WWOX: variants seen among roughly 807,000 people sequenced by gnomAD.
WWOX encodes WW domain containing oxidoreductase, also known as WW domain-containing oxidoreductase.
Under a neutral mutation model 46.2 loss-of-function variants are expected in WWOX, and 69 were observed. That is an observed-to-expected ratio of 1.49 (90% CI 1.23 to 1.82). The LOEUF (loss-of-function observed/expected upper bound fraction) is 1.82. WWOX is among the 40% of genes most tolerant of loss of function. The probability of loss-of-function intolerance (pLI) is 0.00; values close to 1 mark genes in which losing one functional copy is unlikely to be tolerated. For missense variants in WWOX, 919 were observed against 542.6 expected, an observed-to-expected ratio of 1.69 and a Z score of -6.89; for synonymous variants, 359 against 202.6, an observed-to-expected ratio of 1.77 and a Z score of -6.56.
intron 8 of WWOX, among the ~76,000 whole-genome samples, chr16:78,642,622 T>G (rs1482562743): frequency 6.6e-6 from 1 of 152,128 alleles, no homozygotes; most frequent in Non-Finnish European, 1.5e-5. Flanking sequence ...CGTGGGCTAC[T>G]GCCAGCTGAG....
intron 8 of WWOX, among the ~76,000 whole-genome samples, chr16:78,944,678 G>A (rs918859441): frequency 6.6e-6 from 1 of 152,068 alleles, no homozygotes; most frequent in East Asian, 1.9e-4. Context: ...CGAGCATGTG[G>A]GGAATGCAAG....
chr16:78,877,501 C>G (rs1305710861), intron 8 of WWOX, among the ~76,000 whole-genome samples: 2 of 152,362 alleles, frequency 1.3e-5, no homozygotes, highest in East Asian at 3.9e-4. Context: ...CTGTTTCTCA[C>G]CACTCACTAT....
chr16:78,967,340 A>G (rs1023584792), intron 8 of WWOX, among the ~76,000 whole-genome samples: 1 of 118,948 alleles, frequency 8.4e-6, no homozygotes, highest in Admixed American at 1.2e-4. Context: ...CCCAGGCTGG[A>G]GTGCAGTGGC....
intron 6 of WWOX, among the ~76,000 whole-genome samples, chr16:78,395,891 A>G (rs1287986190): frequency 6.6e-6 from 1 of 152,040 alleles, no homozygotes; most frequent in East Asian, 1.9e-4. Context: ...CTTTGACATG[A>G]CTATGTCTGT....
intron 8 of WWOX, among the ~76,000 whole-genome samples, chr16:78,910,510 T>G (rs1020044766): frequency 1.0e-4 from 5 of 50,012 alleles, no homozygotes; most frequent in Non-Finnish European, 2.0e-4. Context: ...TCTTTTGTTT[T>G]TTTTTTTTTT....
chr16:78,422,786 C>CACACACACATATATAT (rs1370521556), intron 6 of WWOX, among the ~76,000 whole-genome samples: 5 of 102,486 alleles, frequency 4.9e-5, no homozygotes, highest in South Asian at 3.3e-4. Flanking sequence ...TATATATATA[C>CACACACACATATATAT]ACACACACAT....
At chr16:78,947,821 T>G (rs576181956) in intron 8 of WWOX, among the ~76,000 whole-genome samples, 17 of 152,244 alleles carry the variant, frequency 1.1e-4, no homozygotes, top group African/African-American at 3.6e-4. Flanking sequence ...AGCCAAAATA[T>G]GTATAGGAGA....
chr16:78,462,393 C>T (rs572727608), intron 8 of WWOX, among the ~76,000 whole-genome samples: 34 of 152,198 alleles, frequency 2.2e-4, no homozygotes, highest in Non-Finnish European at 4.0e-4. Flanking sequence ...TCTAGTGAGC[C>T]GGCCATAGAT....
intron 8 of WWOX, among the ~76,000 whole-genome samples, chr16:78,732,897 G>C (rs374815393): frequency 3.3e-5 from 5 of 152,168 alleles, no homozygotes; most frequent in African/African-American, 1.2e-4. Flanking sequence ...AATAAGCGCT[G>C]TGTTTCGCAA....
At chr16:78,754,123 A>G (rs2049573105) in intron 8 of WWOX, among the ~76,000 whole-genome samples, 2 of 152,048 alleles carry the variant, frequency 1.3e-5, no homozygotes, top group Admixed American at 1.3e-4. Context: ...GGATTCCGCC[A>G]GGCATTTCTC....
intron 8 of WWOX, among the ~76,000 whole-genome samples, chr16:78,486,579 T>TGTTTC (rs1190872941): frequency 6.6e-6 from 1 of 151,582 alleles, no homozygotes; most frequent in African/African-American, 2.4e-5. Flanking sequence ...TGTTTTGTTT[T>TGTTTC]GTTTTGTTTT....
intron 5 of WWOX, among the ~76,000 whole-genome samples, chr16:78,202,405 G>A (rs1023370178): frequency 3.9e-5 from 6 of 152,124 alleles, no homozygotes; most frequent in African/African-American, 1.2e-4. Flanking sequence ...AAATTCCGTC[G>A]ATCTGGCTTT....
intron 8 of WWOX, among the ~76,000 whole-genome samples, chr16:78,867,484 T>G (rs933510808): frequency 2.0e-5 from 3 of 148,886 alleles, no homozygotes; most frequent in East Asian, 4.0e-4. Flanking sequence ...TTAAATGATT[T>G]TGTGTGTGTG....
intron 8 of WWOX, among the ~76,000 whole-genome samples, chr16:79,179,420 C>G (rs759077467): frequency 6.6e-6 from 1 of 152,232 alleles, no homozygotes; most frequent in Non-Finnish European, 1.5e-5. Flanking sequence ...GCCTGACCAA[C>G]TAATGGAATC....
At chr16:78,278,789 T>G (rs933609479) in intron 5 of WWOX, 8 of 815,640 alleles carry the variant, frequency 9.8e-6, no homozygotes, top group Non-Finnish European at 1.6e-5. Flanking sequence ...TGCAACAACA[T>G]CTATTATATG....
chr16:78,132,551 G>T (rs551867106), intron 4 of WWOX, among the ~76,000 whole-genome samples: 223 of 152,250 alleles, frequency 1.5e-3, no homozygotes, highest in African/African-American at 5.2e-3. Context: ...TTTTTAAAAG[G>T]TCATCCAGTA....
At chr16:78,513,812 A>G (rs1409429721) in intron 8 of WWOX, among the ~76,000 whole-genome samples, 2 of 152,074 alleles carry the variant, frequency 1.3e-5, no homozygotes, top group African/African-American at 2.4e-5. Context: ...CCACCTGCAT[A>G]CTTTACACGT....
intron 8 of WWOX, among the ~76,000 whole-genome samples, chr16:78,923,269 C>T (rs1477842436): frequency 1.3e-5 from 2 of 152,194 alleles, no homozygotes; most frequent in Non-Finnish European, 2.9e-5. Context: ...GCTTGAGCCA[C>T]TGTGCCCGGC....
intron 8 of WWOX, among the ~76,000 whole-genome samples, chr16:78,470,717 G>C (rs56784239): frequency 6.6e-6 from 1 of 151,988 alleles, no homozygotes; most frequent in Non-Finnish European, 1.5e-5. Context: ...TAGTAGAGAT[G>C]GGGGTTTCAC....
Sources: gnomAD v4.1 joint callset for allele counts (sites outside exome capture counted in the v4.1 genomes callset) on GRCh38, gnomAD v4.1.1 for gene constraint, MANE v1.5 for transcripts, NCBI Gene and HGNC (gene_info 2026-07-23, HGNC 2026-07-21) for gene names.